MGAT4C: variants seen among roughly 807,000 people sequenced by gnomAD.
MGAT4C encodes the protein alpha-1,3-mannosyl-glycoprotein 4-beta-N-acetylglucosaminyltransferase C.
MGAT4C carries 19 observed loss-of-function variants against 40.1 expected under a neutral mutation model. That is an observed-to-expected ratio of 0.47 (90% CI 0.33 to 0.70). MGAT4C has a LOEUF of 0.70. Ranked by LOEUF, MGAT4C falls within the 30% of genes least tolerant of loss-of-function variation. The pLI is 0.02. For missense variants in MGAT4C, 491 were observed against 563.2 expected, an observed-to-expected ratio of 0.87 and a Z score of 1.30; for synonymous variants, 181 against 187.1, an observed-to-expected ratio of 0.97 and a Z score of 0.27.
At chr12:86,143,977 T>A (rs144995931) in intron 1 of MGAT4C, among the ~76,000 whole-genome samples, 1 of 152,310 alleles carries the variant, frequency 6.6e-6, no homozygotes, top group South Asian at 2.1e-4. Flanking sequence ...TCCTTTGTGA[T>A]GTCAGCCCCT....
Position 86,213,900 on chromosome 12 carries a change from C to T in MGAT4C, c.-57+42339G>A, listed in dbSNP as rs79010858. Among the ~76,000 whole-genome samples, 3,129 of 152,290 alleles carry T rather than the reference C, an allele frequency of 0.021. 228 individuals carry two copies. In the East Asian group the frequency reaches 0.24, roughly 12 times the overall value. ...CTGCCTGAAATCAAATCCCATCACA[C>T]CTTTACTTTAAACTGCTTCCTGCAT... On this transcript the variant is annotated intron_variant, in intron 1 of 4. Transcript: ENST00000611864.
chr12:86,550,332 A>T (rs1228170448), intron 2 of MGAT4C, among the ~76,000 whole-genome samples: 1 of 152,186 alleles, frequency 6.6e-6, no homozygotes, highest in Non-Finnish European at 1.5e-5. Flanking sequence ...TTGCCACTCC[A>T]AACACTTACA....
chr12:86,360,011 G>T (rs1260859939), intron 3 of MGAT4C, among the ~76,000 whole-genome samples: 1 of 152,018 alleles, frequency 6.6e-6, no homozygotes, highest in African/African-American at 2.4e-5. Context: ...ACCAAAGCTG[G>T]GCAGAGACAC....
intron 2 of MGAT4C, among the ~76,000 whole-genome samples, chr12:86,478,313 A>G (rs1239673202): frequency 6.6e-6 from 1 of 152,108 alleles, no homozygotes; most frequent in African/African-American, 2.4e-5. Context: ...ACTGAAAAGT[A>G]TTTTCCTTTT....
intron 2 of MGAT4C, among the ~76,000 whole-genome samples, chr12:85,992,598 A>G (rs1401471195): frequency 6.6e-6 from 1 of 152,266 alleles, no homozygotes; most frequent in Non-Finnish European, 1.5e-5. Context: ...GAATTGGCTC[A>G]GTCATCAAAA....
At position 85,980,119 on chromosome 12, in the gene MGAT4C, T is replaced by C; in HGVS notation, c.607A>G (p.Asn203Asp). The stretch of plus-strand genomic sequence containing the variant: ...TTAAGCAGAAAAGCATAATCTACAT[T>C]TTGCTTGGAACGAAATTTGACTCTA... ...EDRVKFRSKQ[N>D]VDYAFLLNFC... The change falls in exon 5 of 5, where the codon AAT (asparagine) becomes GAT (aspartate). Residue 203 changes from asparagine (N) to aspartate (D), a missense_variant. Transcript: ENST00000611864. 1.2e-6 allele frequency: 2 copies of C among 1,613,898 alleles called. No homozygotes were observed. Among genetic ancestry groups the C allele is most frequent in the Non-Finnish European group, 1.7e-6 (2 of 1,179,876 alleles).
chr12:86,607,827 G>C (rs1962097121), intron 2 of MGAT4C, among the ~76,000 whole-genome samples: 1 of 152,084 alleles, frequency 6.6e-6, no homozygotes, highest in Non-Finnish European at 1.5e-5. Context: ...TAAATTAAGA[G>C]TCATGGCACC....
intron 2 of MGAT4C, among the ~76,000 whole-genome samples, chr12:86,490,180 C>T (rs1441647808): frequency 6.6e-6 from 1 of 152,082 alleles, no homozygotes; most frequent in African/African-American, 2.4e-5. Flanking sequence ...AGAGAAAGGT[C>T]GGGTTACCCA....
At chr12:86,671,837 A>G (rs537793542) in intron 2 of MGAT4C, among the ~76,000 whole-genome samples, 14 of 152,198 alleles carry the variant, frequency 9.2e-5, no homozygotes, top group Non-Finnish European at 2.1e-4. Context: ...CTAAATCTCA[A>G]TACAATAAAA....
In MGAT4C at chr12:86,519,778, G is replaced by T. The variant is rs544877668; in HGVS notation, c.-228-84513C>A. Among the ~76,000 whole-genome samples the T allele has an allele frequency of 1.0e-3, 159 of 152,044 alleles. 3 individuals carry two copies. The highest frequency in any genetic ancestry group is 9.3e-4 in the Non-Finnish European group (63 of 67,938). On this transcript the variant is annotated intron_variant, in intron 2 of 7. Coordinates refer to the MGAT4C transcript ENST00000548651. ...TCTGCATTGTTTTCTTTTGCTATTT[G>T]AGCCCTTTATATATTCTGGTTATTA...
chr12:86,229,878 G>A (rs1951244133), intron 1 of MGAT4C, among the ~76,000 whole-genome samples: 2 of 151,994 alleles, frequency 1.3e-5, no homozygotes, highest in Non-Finnish European at 2.9e-5. Context: ...TGGATATGTA[G>A]ATGTCCTTTC....
chr12:86,648,842 T>C lies in MGAT4C; in HGVS notation c.-229+78367A>G, dbSNP rs11104020. 4.0e-3 allele frequency among the ~76,000 whole-genome samples: 602 copies of C among 152,058 alleles called. 3 individuals carry two copies. The highest frequency in any genetic ancestry group is 7.1e-3 in the Non-Finnish European group (485 of 67,898). ...AGACTAGTTTTGGTAGTGATGAATGTCACTCCTCAAAATTCGTATGTAATT... is the reference window on the plus strand; with the variant it reads ...AGACTAGTTTTGGTAGTGATGAATGCCACTCCTCAAAATTCGTATGTAATT... On this transcript the variant is annotated intron_variant, in intron 2 of 7. Coordinates refer to the MGAT4C transcript ENST00000548651.
intron 2 of MGAT4C, among the ~76,000 whole-genome samples, chr12:86,603,069 C>G (rs969582701): frequency 2.6e-5 from 4 of 151,342 alleles, no homozygotes; most frequent in African/African-American, 9.7e-5. Context: ...CAGTGAAATT[C>G]ACAGAAGCAG....
chr12:86,594,708 G>A (rs945440821), intron 2 of MGAT4C, among the ~76,000 whole-genome samples: 2 of 152,140 alleles, frequency 1.3e-5, no homozygotes, highest in African/African-American at 4.8e-5. Flanking sequence ...ACCACTCTCA[G>A]ATCCAAATCA....
intron 2 of MGAT4C, among the ~76,000 whole-genome samples, chr12:86,513,555 A>G (rs1038149352): frequency 1.3e-5 from 2 of 152,200 alleles, no homozygotes; most frequent in Non-Finnish European, 2.9e-5. Context: ...TCAATCAATG[A>G]ACTGAGGAAA....
chr12:86,042,524 A>T (rs1166785957), intron 2 of MGAT4C, among the ~76,000 whole-genome samples: 1 of 151,998 alleles, frequency 6.6e-6, no homozygotes, highest in Non-Finnish European at 1.5e-5. Context: ...TTCCCATAGC[A>T]TTTGCTTGTC....
chr12:86,643,261 G>A (rs773915602), intron 2 of MGAT4C, among the ~76,000 whole-genome samples: 10 of 151,656 alleles, frequency 6.6e-5, no homozygotes, highest in African/African-American at 1.7e-4. Flanking sequence ...TACACCTGCC[G>A]TTAGGTCCCA....
At chr12:86,144,724 T>C (rs1883287171) in intron 1 of MGAT4C, among the ~76,000 whole-genome samples, 1 of 152,130 alleles carries the variant, frequency 6.6e-6, no homozygotes, top group East Asian at 1.9e-4. Context: ...TATAGTAAGG[T>C]TTTACAAGAG....
At chr12:86,211,799 T>G (rs1250264063) in intron 1 of MGAT4C, among the ~76,000 whole-genome samples, 1 of 152,124 alleles carries the variant, frequency 6.6e-6, no homozygotes, top group Non-Finnish European at 1.5e-5. Flanking sequence ...GTTTTGTTTT[T>G]TTTTTCCTAC....
Sources: allele counts gnomAD v4.1 joint callset (sites outside exome capture counted in the v4.1 genomes callset), GRCh38; gene constraint gnomAD v4.1.1; transcripts MANE v1.5; gene names NCBI Gene and HGNC (gene_info 2026-07-23, HGNC 2026-07-21).